Variants in LTN1 observed in about 807,000 individuals in gnomAD.
LTN1 encodes E3 ubiquitin-protein ligase listerin.
In LTN1, 88 loss-of-function variants were observed where a neutral mutation model predicts 201.2. That is an observed-to-expected ratio of 0.44 (90% CI 0.37 to 0.52). LTN1 has a LOEUF of 0.52. Among genes scored for constraint, LTN1 ranks in the 20% least tolerant of loss-of-function variants. The pLI is 0.00. For synonymous variants in LTN1, 645 were observed against 713.5 expected (o/e 0.90, Z 1.53); for missense variants, 1,752 against 2,038.7 (o/e 0.86, Z 2.71).
At chr21:28,969,023 C>T (rs2084550447) in intron 9 of LTN1, among the ~76,000 whole-genome samples, 1 of 151,726 alleles carries the variant, frequency 6.6e-6, no homozygotes, top group African/African-American at 2.4e-5. Context: ...CAGTTCTCGA[C>T]CAGCCTGGCC....
intron 11 of LTN1, chr21:28,964,744 T>C: frequency 6.5e-7 from 1 of 1,550,318 alleles, no homozygotes; most frequent in South Asian, 1.2e-5. Flanking sequence ...TGTGAGTATT[T>C]GCACTTCACG....
Position 28,966,440 on chromosome 21 carries a change from A to G in LTN1, c.2051T>C (p.Ile684Thr), listed in dbSNP as rs778320215. ...ACAGCACCGGAGAGCACTGTACAAA[A>G]TGTCCACCAGGAAACCAAAATCCTT... ...QRKDFGFLVD[I>T]LYSALRCCDN... Residue 684 changes from isoleucine (I) to threonine (T), a missense_variant, in exon 10 of 30, where the codon ATT becomes ACT. Transcript: ENST00000361371. 1.2e-6 allele frequency: 2 copies of G among 1,614,188 alleles called. No individual in the cohort carries two copies. The highest frequency in any genetic ancestry group is 1.6e-4 in the Middle Eastern group (1 of 6,062).
chr21:28,964,884 A>C (rs2084508931), intron 11 of LTN1: 1 of 1,341,990 alleles, frequency 7.5e-7, no homozygotes, highest in African/African-American at 1.5e-5. Flanking sequence ...ACTTGGCTAC[A>C]GGGAGAGAAG....
Position 28,991,012 on chromosome 21 carries a change from C to T in LTN1, c.42+1752G>A, listed in dbSNP as rs2084740776. Among the ~76,000 whole-genome samples the T allele has an allele frequency of 2.0e-5, 3 of 152,102 alleles. No individual in the cohort carries two copies. In the South Asian group the frequency reaches 6.2e-4, roughly 31 times the overall value. On this transcript the variant is annotated intron_variant, in intron 1 of 29. Coordinates refer to ENST00000361371, the MANE Select transcript of LTN1 (RefSeq NM_015565.3). ...ATAAGCTAGCCGTGATGGCCTGTAC[C>T]TGTAGTCCTAGCTACTGGAAAGGCT...
At chr21:28,944,619 A>T in intron 21 of LTN1, 23 bp from the exon 22 acceptor site, 2 of 1,517,240 alleles carry the variant, frequency 1.3e-6, no homozygotes, top group African/African-American at 2.8e-5. Flanking sequence ...TAAAAATGAA[A>T]TAGGTAAACA....
intron 1 of LTN1, among the ~76,000 whole-genome samples, chr21:28,987,376 C>A (rs541499275): frequency 1.2e-4 from 18 of 152,164 alleles, no homozygotes; most frequent in Admixed American, 8.5e-4. Flanking sequence ...GTAAAATGAA[C>A]TCATAAATAG....
chr21:28,981,258 AC>A lies in LTN1; in HGVS notation c.670del (p.Val224LeufsTer2). On this transcript the variant is annotated frameshift_variant, in exon 6 of 30. Transcript: ENST00000361371. LOFTEE classifies it high-confidence loss of function. ...TAATGCCAATAAGGAACAAGTTACA[AC>A]CCGGTAGAATTTAGCTTCTCTTTCT... ...EEEREAKFYR[V>X]VTCSLLALKR... is the part of the protein sequence containing the mutation. The A allele has an allele frequency of 6.4e-7, 1 of 1,573,756 alleles. No homozygotes were observed. The highest frequency in any genetic ancestry group is 8.6e-7 in the Non-Finnish European group (1 of 1,167,232).
chr21:28,942,136 C>T (rs1019755488), intron 24 of LTN1, among the ~76,000 whole-genome samples: 9 of 152,124 alleles, frequency 5.9e-5, no homozygotes, highest in Non-Finnish European at 1.2e-4. Context: ...TTCCTTCTCC[C>T]AGCCCACAAG....
At chr21:28,966,051 G>A (rs374086768) in intron 10 of LTN1, 145 bp from the exon 11 acceptor site, 5 of 620,360 alleles carry the variant, frequency 8.1e-6, no homozygotes, top group African/African-American at 7.6e-5. Flanking sequence ...GGGACTACAT[G>A]CATGCGCCAA....
chr21:28,956,697 A>G, intron 16 of LTN1, 65 bp downstream of exon 16: 1 of 830,966 alleles, frequency 1.2e-6, no homozygotes, highest in Non-Finnish European at 1.7e-6. Flanking sequence ...CAGTATAATC[A>G]AGATTATTTC....
chr21:28,986,940 A>G lies in LTN1; in HGVS notation c.43-6T>C. On this transcript the variant is annotated splice_region_variant and splice_polypyrimidine_tract_variant and intron_variant, in intron 1 of 29. Coordinates refer to ENST00000361371, the MANE Select transcript of LTN1 (RefSeq NM_015565.3). The surrounding 1 kb of genome is among the most constrained non-coding windows in gnomAD (Gnocchi z 4.1). ...GCTCGGCCACTGTTTGAAGGCTGATAAGAAAATTACGGAGAAAAAAGTCAG... is the reference window on the plus strand; with the variant it reads ...GCTCGGCCACTGTTTGAAGGCTGATGAGAAAATTACGGAGAAAAAAGTCAG... The G allele has an allele frequency of 6.2e-7, 1 of 1,609,896 alleles. No homozygotes were observed. The highest frequency in any genetic ancestry group is 8.5e-7 in the Non-Finnish European group (1 of 1,176,210).
chr21:28,960,610 T>C lies in LTN1; in HGVS notation c.2260A>G (p.Asn754Asp). 6.2e-7 allele frequency: 1 copy of C among 1,613,908 alleles called. No individual in the cohort carries two copies. Among genetic ancestry groups the C allele is most frequent in the Non-Finnish European group, 8.5e-7 (1 of 1,179,824 alleles). ...GATACCCTGGATTCCAAGTCCTCAT[T>C]ACAAAGACAATCTGCCAAGTTGACC... ...KLVNLADCLC[N>D]EDLESRVSSE... is the part of the protein sequence containing the mutation. The change falls in exon 12 of 30, where the codon AAT becomes GAT. Residue 754 changes from asparagine to aspartate, a missense_variant. Transcript: ENST00000361371.
intron 24 of LTN1, among the ~76,000 whole-genome samples, chr21:28,941,808 T>C (rs1049117557): frequency 1.3e-5 from 2 of 152,182 alleles, no homozygotes; most frequent in African/African-American, 4.8e-5. Context: ...TTCATTCTAG[T>C]TTCTATTTTA....
rs1193329706 is a variant in LTN1, at chr21:28,986,005, T to C, written c.345+134A>G. ...CCACGCTCTTCTCAAGTGTTAACAATTCAATCTGCATAACAATGCTGACAT... is the reference window on the plus strand; with the variant it reads ...CCACGCTCTTCTCAAGTGTTAACAACTCAATCTGCATAACAATGCTGACAT... On this transcript the variant is annotated intron_variant, in intron 3 of 29. Transcript: ENST00000361371. The surrounding 1 kb of genome is among the most constrained non-coding windows in gnomAD (Gnocchi z 4.1). 1 of 605,480 alleles carries C rather than the reference T, an allele frequency of 1.7e-6. No homozygotes were observed. Among genetic ancestry groups the C allele is most frequent in the South Asian group, 2.0e-5 (1 of 50,822 alleles). 37.5% of individuals were successfully genotyped at this position (605,480 alleles called of 1,614,324 possible). A position where few individuals can be genotyped will look rare whatever the true frequency, so the allele number is the denominator to read the frequency against.
At chr21:28,953,423 A>G (rs753902714) in intron 16 of LTN1, 47 bp from the exon 17 acceptor site, 3 of 1,417,222 alleles carry the variant, frequency 2.1e-6, no homozygotes, top group Admixed American at 5.0e-5. Context: ...TCTGTGAACA[A>G]ACCCTTCAAT....
chr21:28,935,835 G>A (rs1474869110), intron 26 of LTN1, among the ~76,000 whole-genome samples: 19 of 119,010 alleles, frequency 1.6e-4, no homozygotes, highest in African/African-American at 6.0e-4. Flanking sequence ...GCGAGACTCC[G>A]TCTCAAAAAA....
At chr21:28,989,790 A>G (rs949685182) in intron 1 of LTN1, among the ~76,000 whole-genome samples, 5 of 152,060 alleles carry the variant, frequency 3.3e-5, no homozygotes, top group Admixed American at 1.3e-4. Context: ...ATCTTTGGGC[A>G]GATCACTTCA....
At chr21:28,959,747 A>AT in intron 12 of LTN1, 50 bp from the exon 13 acceptor site, 1 of 1,394,224 alleles carries the variant, frequency 7.2e-7, no homozygotes, top group Non-Finnish European at 9.6e-7. Context: ...ATTAACGTGT[A>AT]TTTTTAAATA....
In LTN1 at chr21:28,953,263, G is replaced by A. The variant is rs201599162; in HGVS notation, c.3193C>T (p.Arg1065Cys). Reference sequence around the variant, plus strand: ...AGGCCCGACGTATTACCAAGTACACGTAAGTTATCATACGTAATATTCATT... The same window carrying A: ...AGGCCCGACGTATTACCAAGTACACATAAGTTATCATACGTAATATTCATT... ...QKMNITYDNL[R>C]VLGNTSGLLQ... Residue 1065 changes from arginine to cysteine, a missense_variant, in exon 17 of 30, where the codon CGT becomes TGT. Around this residue, in one of 3 missense-constraint regions of LTN1, gnomAD observed 1,211 missense variants for 1,312.8 expected, o/e 0.92. Coordinates refer to ENST00000361371, the MANE Select transcript of LTN1 (RefSeq NM_015565.3). The A allele has an allele frequency of 3.4e-5, 55 of 1,599,498 alleles. No individual in the cohort carries two copies. Among genetic ancestry groups the A allele is most frequent in the African/African-American group, 1.8e-4 (13 of 73,950 alleles).
Sources: gnomAD v4.1 joint callset for allele counts (sites outside exome capture counted in the v4.1 genomes callset) on GRCh38, gnomAD v4.1.1 for gene constraint, gnomAD v4.1.1 regional missense constraint, Gnocchi (gnomAD v3.1) non-coding constraint, MANE v1.5 for transcripts, NCBI Gene and HGNC (gene_info 2026-07-23, HGNC 2026-07-21) for gene names.